Variants in DGKB observed in about 807,000 individuals in gnomAD.
DGKB encodes the protein diacylglycerol kinase beta, also known as 90 kDa diacylglycerol kinase.
Under a neutral mutation model 114.3 loss-of-function variants are expected in DGKB, and 67 were observed. That is an observed-to-expected ratio of 0.59 (90% confidence interval 0.48 to 0.72). The LOEUF (loss-of-function observed/expected upper bound fraction) is 0.72. DGKB is among the 30% of genes least tolerant of loss of function. The probability of loss-of-function intolerance (pLI) is 0.00; values close to 1 mark genes in which losing one functional copy is unlikely to be tolerated. For synonymous variants in DGKB, 398 were observed against 323.1 expected (o/e 1.23, Z -2.49); for missense variants, 907 against 975.2 (o/e 0.93, Z 0.93).
intron 21 of DGKB, among the ~76,000 whole-genome samples, chr7:14,416,292 G>A (rs996870834): frequency 6.6e-6 from 1 of 151,864 alleles, no homozygotes; most frequent in Admixed American, 6.6e-5. Context: ...GTTTTTTTCA[G>A]TTATGTTTCA....
At chr7:14,283,711 A>T (rs866062391) in intron 23 of DGKB, among the ~76,000 whole-genome samples, 1 of 152,156 alleles carries the variant, frequency 6.6e-6, no homozygotes, top group Non-Finnish European at 1.5e-5. Context: ...ATAACGCTGC[A>T]TATCTACAAC....
chr7:14,455,837 G>T (rs1170238597), intron 21 of DGKB, among the ~76,000 whole-genome samples: 1 of 151,968 alleles, frequency 6.6e-6, no homozygotes, highest in Non-Finnish European at 1.5e-5. Flanking sequence ...TTGGGTTTAA[G>T]AACTTTAAGA....
chr7:14,183,327 G>A (rs1377214374), intron 23 of DGKB, among the ~76,000 whole-genome samples: 1 of 152,144 alleles, frequency 6.6e-6, no homozygotes, highest in Admixed American at 6.5e-5. Context: ...AAGCATAAAT[G>A]CCTGTTTTTC....
chr7:14,387,022 G>A (rs1257104609), intron 21 of DGKB, among the ~76,000 whole-genome samples: 1 of 151,890 alleles, frequency 6.6e-6, no homozygotes, highest in East Asian at 1.9e-4. Context: ...AAAGCAGTCA[G>A]GGAGCTAATT....
intron 23 of DGKB, among the ~76,000 whole-genome samples, chr7:14,184,746 C>T (rs899379594): frequency 1.2e-4 from 19 of 152,104 alleles, no homozygotes; most frequent in South Asian, 4.1e-4. Flanking sequence ...TCTAGGGCCT[C>T]GCCCACTGCC....
chr7:14,403,589 G>A (rs777895783), intron 21 of DGKB, among the ~76,000 whole-genome samples: 12 of 151,574 alleles, frequency 7.9e-5, no homozygotes, highest in Non-Finnish European at 1.8e-4. Flanking sequence ...CTGCCAATTC[G>A]CATCAACTCC....
At chr7:14,505,622 C>G (rs539277590) in intron 20 of DGKB, among the ~76,000 whole-genome samples, 2 of 152,244 alleles carry the variant, frequency 1.3e-5, no homozygotes, top group African/African-American at 2.4e-5. Context: ...AAAATTGCCT[C>G]CTGACTGTGT....
At chr7:14,949,861 C>T (rs901209574) in intron 1 of DGKB, among the ~76,000 whole-genome samples, 1 of 151,404 alleles carries the variant, frequency 6.6e-6, no homozygotes, top group Non-Finnish European at 1.5e-5. Flanking sequence ...GACAGAAAAC[C>T]AAACACTGCA....
chr7:14,156,468 TG>T (rs1159100957), intron 25 of DGKB, among the ~76,000 whole-genome samples: 2 of 152,150 alleles, frequency 1.3e-5, no homozygotes, highest in African/African-American at 2.4e-5. Flanking sequence ...AAATTAATGT[TG>T]CCATGTTCCA....
At chr7:14,500,197 T>G (rs1453767548) in intron 20 of DGKB, among the ~76,000 whole-genome samples, 20 of 151,828 alleles carry the variant, frequency 1.3e-4, no homozygotes, top group Admixed American at 1.3e-3. Context: ...ATATCCTCCT[T>G]TTCTCGTAGT....
chr7:14,233,164 T>A (rs1350363722), intron 23 of DGKB, among the ~76,000 whole-genome samples: 1 of 151,948 alleles, frequency 6.6e-6, no homozygotes, highest in Admixed American at 6.6e-5. Flanking sequence ...CAAGCCTATG[T>A]ATAAGAAGGG....
At chr7:14,697,293 A>G (rs1224888461) in intron 8 of DGKB, among the ~76,000 whole-genome samples, 3 of 152,126 alleles carry the variant, frequency 2.0e-5, no homozygotes, top group South Asian at 2.1e-4. Flanking sequence ...TTGGGTCTCA[A>G]TTTACTTCTC....
At chr7:14,840,389 C>A (rs1847759100) in intron 2 of DGKB, among the ~76,000 whole-genome samples, 1 of 152,064 alleles carries the variant, frequency 6.6e-6, no homozygotes, top group Non-Finnish European at 1.5e-5. Flanking sequence ...CTTTTTCTCT[C>A]TTCAACACCT....
At chr7:14,462,297 G>A (rs1300502180) in intron 21 of DGKB, among the ~76,000 whole-genome samples, 2 of 152,118 alleles carry the variant, frequency 1.3e-5, no homozygotes, top group Non-Finnish European at 2.9e-5. Flanking sequence ...ATTCAAATAG[G>A]AAGAGAGGAA....
chr7:14,474,712 A>G (rs1164707524), intron 21 of DGKB, among the ~76,000 whole-genome samples: 1 of 152,088 alleles, frequency 6.6e-6, no homozygotes, highest in Non-Finnish European at 1.5e-5. Flanking sequence ...AGTATTATGT[A>G]TGTGAATTAT....
chr7:14,794,175 C>T (rs1841080055), intron 2 of DGKB, among the ~76,000 whole-genome samples: 2 of 152,094 alleles, frequency 1.3e-5, no homozygotes, highest in Admixed American at 1.3e-4. Flanking sequence ...CCCTCACTAA[C>T]ACAGATTTTG....
chr7:14,940,653 G>C (rs1166525142), intron 1 of DGKB, among the ~76,000 whole-genome samples: 1 of 152,026 alleles, frequency 6.6e-6, no homozygotes, highest in Non-Finnish European at 1.5e-5. Context: ...GGCCAAATTG[G>C]AAAGACTATA....
At chr7:14,631,365 T>G (rs1809676544) in intron 13 of DGKB, among the ~76,000 whole-genome samples, 1 of 151,080 alleles carries the variant, frequency 6.6e-6, no homozygotes, top group African/African-American at 2.4e-5. Flanking sequence ...AAGCATTCAG[T>G]GCACTCAAAA....
intron 6 of DGKB, among the ~76,000 whole-genome samples, chr7:14,714,386 A>T (rs1827856257): frequency 6.6e-6 from 1 of 152,156 alleles, no homozygotes; most frequent in African/African-American, 2.4e-5. Flanking sequence ...CAAGCCTGGC[A>T]GAGTAGGTTG....
Sources: gnomAD v4.1 joint callset for allele counts (sites outside exome capture counted in the v4.1 genomes callset) on GRCh38, gnomAD v4.1.1 for gene constraint, MANE v1.5 for transcripts, NCBI Gene and HGNC (gene_info 2026-07-23, HGNC 2026-07-21) for gene names.